CNTNAP2: variants seen among roughly 807,000 people sequenced by gnomAD.
The protein encoded by CNTNAP2 is contactin associated protein 2, also known as contactin-associated protein-like 2.
Under a neutral mutation model 155.2 loss-of-function variants are expected in CNTNAP2, and 98 were observed. The observed-to-expected ratio is 0.63, with a 90% CI of 0.54 to 0.75. The LOEUF (loss-of-function observed/expected upper bound fraction) is 0.75. Ranked by LOEUF, CNTNAP2 falls within the 30% of genes least tolerant of loss-of-function variation. CNTNAP2 has a pLI of 0.00. For missense variants in CNTNAP2, 1,727 were observed against 1,688.1 expected (o/e 1.02, Z -0.40); for synonymous variants, 651 against 631.2 (o/e 1.03, Z -0.47).
intron 3 of CNTNAP2, among the ~76,000 whole-genome samples, chr7:146,937,258 G>A (rs1470589354): frequency 6.6e-6 from 1 of 151,626 alleles, no homozygotes; most frequent in African/African-American, 2.4e-5. Flanking sequence ...GGGTGTGGTG[G>A]CACGCGCCTG....
At chr7:146,141,953 A>G (rs1399032138) in intron 1 of CNTNAP2, among the ~76,000 whole-genome samples, 1 of 152,196 alleles carries the variant, frequency 6.6e-6, no homozygotes, top group Non-Finnish European at 1.5e-5. Flanking sequence ...AAGAGGGCTC[A>G]GTATTGATTT....
rs149406204 is a variant in CNTNAP2 at position 146,948,479 on chromosome 7, T to C, written c.403-95428T>C. Among the ~76,000 whole-genome samples the C allele has an allele frequency of 2.0e-5, 3 of 152,286 alleles. No individual in the cohort carries two copies. In the East Asian group the frequency reaches 5.8e-4, roughly 29 times the overall value. Reference sequence around the variant, plus strand: ...ATTTTGCATCTAAATATTATCTCTATACTTTTATAAATTAATGTTAGTCTG... The same window carrying C: ...ATTTTGCATCTAAATATTATCTCTACACTTTTATAAATTAATGTTAGTCTG... On this transcript the variant is annotated intron_variant, in intron 3 of 23. Transcript: ENST00000361727.
chr7:146,399,330 C>G (rs1253773673), intron 1 of CNTNAP2, among the ~76,000 whole-genome samples: 1 of 152,230 alleles, frequency 6.6e-6, no homozygotes, highest in Admixed American at 6.5e-5. Context: ...CAAACCTTGT[C>G]CCTTCCCTCC....
chr7:148,380,062 T>G (rs1799019552), intron 21 of CNTNAP2, among the ~76,000 whole-genome samples: 1 of 152,236 alleles, frequency 6.6e-6, no homozygotes, highest in Non-Finnish European at 1.5e-5. Flanking sequence ...ATCCATATCG[T>G]TATGAATATA....
At chr7:146,912,632 A>G (rs1414817569) in intron 3 of CNTNAP2, among the ~76,000 whole-genome samples, 2 of 152,132 alleles carry the variant, frequency 1.3e-5, no homozygotes, top group Non-Finnish European at 2.9e-5. Context: ...ACCTCAAGAA[A>G]GAGTCCTTAT....
chr7:147,950,206 A>G (rs947484237), intron 14 of CNTNAP2, among the ~76,000 whole-genome samples: 1 of 151,906 alleles, frequency 6.6e-6, no homozygotes. Context: ...TTGACTTTGC[A>G]AGCTGAAGAC....
intron 1 of CNTNAP2, among the ~76,000 whole-genome samples, chr7:146,684,042 G>A (rs1800552279): frequency 6.6e-6 from 1 of 152,128 alleles, no homozygotes; most frequent in Non-Finnish European, 1.5e-5. Flanking sequence ...CCGTCTCTTG[G>A]GTTACGGCTC....
chr7:146,784,877 A>G (rs918524735), intron 2 of CNTNAP2, among the ~76,000 whole-genome samples: 3 of 152,172 alleles, frequency 2.0e-5, no homozygotes, highest in Non-Finnish European at 4.4e-5. Flanking sequence ...AGCTTTATCA[A>G]ATATTTACAC....
chr7:147,245,451 G>T (rs1235302327), intron 8 of CNTNAP2, among the ~76,000 whole-genome samples: 1 of 151,896 alleles, frequency 6.6e-6, no homozygotes, highest in East Asian at 1.9e-4. Context: ...TTTCATCCCG[G>T]GTTGGTCCAG....
chr7:147,607,185 A>T (rs10275373), intron 12 of CNTNAP2, among the ~76,000 whole-genome samples: 101,731 of 151,840 alleles, frequency 0.67, 34,366 homozygotes, highest in African/African-American at 0.73. Context: ...AAATACTTCC[A>T]GGGACTGATT....
chr7:147,774,649 G>A (rs994794118), intron 13 of CNTNAP2, among the ~76,000 whole-genome samples: 1 of 152,174 alleles, frequency 6.6e-6, no homozygotes, highest in Non-Finnish European at 1.5e-5. Context: ...CCTGCCATGT[G>A]AGGACACAGC....
intron 21 of CNTNAP2, among the ~76,000 whole-genome samples, chr7:148,289,594 C>T (rs1338485537): frequency 2.0e-5 from 3 of 151,982 alleles, no homozygotes; most frequent in Non-Finnish European, 4.4e-5. Context: ...CACACACACA[C>T]ACACACACCC....
chr7:147,408,315 C>T (rs74612375), intron 10 of CNTNAP2, among the ~76,000 whole-genome samples: 26,570 of 152,158 alleles, frequency 0.17, 2,939 homozygotes, highest in Non-Finnish European at 0.25. Flanking sequence ...AAGGCACATG[C>T]TATAGGCATT....
chr7:148,302,262 G>T (rs751373202), intron 21 of CNTNAP2, among the ~76,000 whole-genome samples: 1 of 152,162 alleles, frequency 6.6e-6, no homozygotes, highest in Non-Finnish European at 1.5e-5. Context: ...GCTTCTACTG[G>T]CAATGAGACC....
chr7:148,308,174 T>C lies in CNTNAP2; in HGVS notation c.3475+41048T>C, dbSNP rs921831773. 3.9e-5 allele frequency among the ~76,000 whole-genome samples: 6 copies of C among 152,288 alleles called. No homozygotes were observed. In the East Asian group the frequency reaches 1.2e-3, roughly 29 times the overall value. ...ATACTAGGTTTTTCCTCCCACGCAG[T>C]GAATTTTCTTCTTGCTTTAAGAAGA... On this transcript the variant is annotated intron_variant, in intron 21 of 23. Transcript: ENST00000361727.
At chr7:146,140,283 G>C (rs1207236282) in intron 1 of CNTNAP2, among the ~76,000 whole-genome samples, 3 of 151,998 alleles carry the variant, frequency 2.0e-5, no homozygotes, top group African/African-American at 7.2e-5. Context: ...ACAGTCCCAG[G>C]GTTGATGGCA....
chr7:147,886,791 A>G (rs1563123993), intron 13 of CNTNAP2, among the ~76,000 whole-genome samples: 1 of 152,162 alleles, frequency 6.6e-6, no homozygotes, highest in Non-Finnish European at 1.5e-5. Context: ...CCTCTATAAA[A>G]TTAAACTGAA....
chr7:146,459,861 T>C (rs760227930), intron 1 of CNTNAP2, among the ~76,000 whole-genome samples: 2 of 152,106 alleles, frequency 1.3e-5, no homozygotes, highest in Non-Finnish European at 2.9e-5. Flanking sequence ...TCCCAGCTAC[T>C]TGGGAGGCTG....
chr7:146,203,092 CA>C (rs1156605781), intron 1 of CNTNAP2, among the ~76,000 whole-genome samples: 1 of 152,146 alleles, frequency 6.6e-6, no homozygotes, highest in African/African-American at 2.4e-5. Context: ...TCACAACAAT[CA>C]ACACAGAAGG....
Sources: gnomAD v4.1 joint callset for allele counts (sites outside exome capture counted in the v4.1 genomes callset) on GRCh38, gnomAD v4.1.1 for gene constraint, MANE v1.5 for transcripts, NCBI Gene and HGNC (gene_info 2026-07-23, HGNC 2026-07-21) for gene names.